The following SUPT6H variants were observed in gnomAD, a reference collection of about 807,000 sequenced individuals.
The protein encoded by SUPT6H is transcription elongation factor SPT6.
In SUPT6H, 11 loss-of-function variants were observed where a neutral mutation model predicts 222.3. The ratio of observed to expected loss-of-function variants is 0.05; its 90% CI spans 0.03 to 0.08. The LOEUF (loss-of-function observed/expected upper bound fraction) is 0.08. SUPT6H is among the 10% of genes least tolerant of loss of function. The pLI is 1.00. For synonymous variants in SUPT6H, 762 were observed against 801.2 expected, an observed-to-expected ratio of 0.95 and a Z score of 0.83; for missense variants, 1,422 against 2,216.0, an observed-to-expected ratio of 0.64 and a Z score of 7.19.
chr17:28,680,058 A>G (rs1043769683), intron 11 of SUPT6H, among the ~76,000 whole-genome samples: 3 of 149,574 alleles, frequency 2.0e-5, no homozygotes, highest in African/African-American at 7.4e-5. Context: ...TAATCCCAAC[A>G]CTTTGGAAGA....
intron 7 of SUPT6H, among the ~76,000 whole-genome samples, chr17:28,676,862 G>T (rs556166862): frequency 1.3e-5 from 2 of 152,068 alleles, no homozygotes; most frequent in African/African-American, 4.8e-5. Flanking sequence ...GGGAGGTCAC[G>T]GCTGCAGTGA....
Position 28,701,742 on chromosome 17 carries a change from C to A in SUPT6H, c.*117C>A. The A allele has an allele frequency of 8.8e-7, 1 of 1,138,436 alleles. No homozygotes were observed. Among genetic ancestry groups the A allele is most frequent in the Non-Finnish European group, 1.2e-6 (1 of 815,162 alleles). The allele number at this position is 1,138,436 out of a possible 1,614,324, so 70.5% of individuals were successfully genotyped here. On this transcript the variant is annotated 3_prime_UTR_variant, in exon 37 of 37. Coordinates refer to ENST00000314616, the MANE Select transcript of SUPT6H (RefSeq NM_003170.5). ...AAAGTGGCGTGAAGTGAGACGTTCTCTTTGGTGGTCAACCCGGATGGGTGA... is the reference window on the plus strand; with the variant it reads ...AAAGTGGCGTGAAGTGAGACGTTCTATTTGGTGGTCAACCCGGATGGGTGA...
In SUPT6H at chr17:28,686,690, T is replaced by C. The variant is rs773062580; in HGVS notation, c.2601T>C (p.Ile867=). Residue 867 remains isoleucine, a synonymous_variant, in exon 21 of 37, where the codon ATT becomes ATC. Coordinates refer to ENST00000314616, the MANE Select transcript of SUPT6H (RefSeq NM_003170.5). ...TGTTGATTGAAGATGTGAAGCGCAT[T>C]GTACATGAGCTGGACCAGGGCCAGC... The part of the protein sequence containing the change: ...AQMLIEDVKR[I]VHELDQGQQL... 2 of 1,607,154 alleles carry C rather than the reference T, an allele frequency of 1.2e-6. No homozygotes were observed. The highest frequency in any genetic ancestry group is 1.7e-4 in the Middle Eastern group (1 of 6,026).
intron 27 of SUPT6H, 184 bp downstream of exon 27, chr17:28,691,247 C>A: frequency 1.2e-6 from 1 of 809,784 alleles, no homozygotes; most frequent in Non-Finnish European, 1.9e-6. Context: ...GCTGACATAG[C>A]TGGGCACGGT....
Position 28,683,022 on chromosome 17 carries a change from G to T in SUPT6H, c.1808G>T (p.Arg603Leu), listed in dbSNP as rs138471256. 1.6e-4 allele frequency: 260 copies of T among 1,613,818 alleles called. 1 individual carries two copies. The highest frequency in any genetic ancestry group is 5.1e-6 in the Non-Finnish European group (6 of 1,179,966). The change falls in exon 15 of 37, where the codon CGG becomes CTG. Residue 603 changes from arginine (R) to leucine (L), a missense_variant. By Grantham distance (102) the Arg-to-Leu change is moderately radical (BLOSUM62 -2). Transcript: ENST00000314616. The stretch of plus-strand genomic sequence containing the variant: ...CAGATTGCCCGTGAGCCCCTTGTCC[G>T]GCAGGTGCTGAGGCAAACCTTCCAA... ...ALQIAREPLV[R>L]QVLRQTFQER...
At chr17:28,693,314 C>T (rs1041448587) in intron 27 of SUPT6H, among the ~76,000 whole-genome samples, 7 of 151,850 alleles carry the variant, frequency 4.6e-5, no homozygotes, top group East Asian at 1.9e-4. Context: ...TACAAAAATC[C>T]GCCCTGTGTG....
Position 28,684,931 on chromosome 17 carries a change from T to A in SUPT6H, c.2457T>A (p.Thr819=). ...TGCCCCATTTTACCAAACGGCGAAC[T>A]GCATGGAGAGAGGAAGAGCGGGAAA... ...LRLPHFTKRR[T]AWREEEREKK... The change falls in exon 19 of 37, where the codon ACT becomes ACA. Residue 819 remains threonine (T), a synonymous_variant. Transcript: ENST00000314616. 1 of 1,614,194 alleles carries A rather than the reference T, an allele frequency of 6.2e-7. No individual in the cohort carries two copies. Among genetic ancestry groups the A allele is most frequent in the East Asian group, 2.2e-5 (1 of 44,894 alleles).
At position 28,675,384 on chromosome 17, in the gene SUPT6H, A is replaced by T. The variant is rs9892089; in HGVS notation, c.539-17A>T. 11 of 1,613,672 alleles carry T rather than the reference A, an allele frequency of 6.8e-6. No individual in the cohort carries two copies. The highest frequency in any genetic ancestry group is 8.5e-6 in the Non-Finnish European group (10 of 1,179,836). On this transcript the variant is annotated splice_polypyrimidine_tract_variant and intron_variant, in intron 5 of 36. Coordinates refer to ENST00000314616, the MANE Select transcript of SUPT6H (RefSeq NM_003170.5). ...AGCCCCTGACTCTGAGCCCCAACCC[A>T]TCCTTTTCCTACCCAGATATTGACG...
chr17:28,681,218 G>T (rs2031084115), intron 11 of SUPT6H, 38 bp from the exon 12 acceptor site: 2 of 1,611,688 alleles, frequency 1.2e-6, no homozygotes, highest in East Asian at 4.5e-5. Context: ...TACCCTTTCT[G>T]CAGTGATGAC....
rs567205459 is a variant in SUPT6H, at chr17:28,664,300, G to A, written c.-32+1958G>A. Among the ~76,000 whole-genome samples the A allele has an allele frequency of 2.6e-5, 4 of 152,264 alleles. No homozygotes were observed. In the East Asian group the frequency reaches 7.7e-4, roughly 29 times the overall value. ...AGGTGGGCAGATCACTTGAGGTCAGGAGTTCACAACCAGCCTGGCCAGCAT... is the reference window on the plus strand; with the variant it reads ...AGGTGGGCAGATCACTTGAGGTCAGAAGTTCACAACCAGCCTGGCCAGCAT... On this transcript the variant is annotated intron_variant, in intron 1 of 36. Transcript: ENST00000314616.
chr17:28,694,459 A>C (rs574957669), intron 28 of SUPT6H, among the ~76,000 whole-genome samples: 2 of 152,354 alleles, frequency 1.3e-5, no homozygotes, highest in East Asian at 3.9e-4. Context: ...AACTTTTTTC[A>C]GAATCACCCA....
Position 28,701,823 on chromosome 17 carries a change from C to T in SUPT6H, c.*198C>T, listed in dbSNP as rs1597725496. Reference sequence around the variant, plus strand: ...AGTGTATGCTAGGCAACAATTCTCCCGCTCCAGACCCTCACCGACCACCTG... The same window carrying T: ...AGTGTATGCTAGGCAACAATTCTCCTGCTCCAGACCCTCACCGACCACCTG... On this transcript the variant is annotated 3_prime_UTR_variant, in exon 37 of 37. Transcript: ENST00000314616. 10 of 583,456 alleles carry T rather than the reference C, an allele frequency of 1.7e-5. No individual in the cohort carries two copies. Among genetic ancestry groups the T allele is most frequent in the Middle Eastern group, 9.3e-4 (2 of 2,160 alleles). The allele number at this position is 583,456 out of a possible 1,614,324, so 36.1% of individuals were successfully genotyped here.
At chr17:28,699,092 T>G (rs1014006496) in intron 32 of SUPT6H, among the ~76,000 whole-genome samples, 1 of 152,212 alleles carries the variant, frequency 6.6e-6, no homozygotes. Context: ...CTGTGTACTA[T>G]GTAGCATTAT....
intron 1 of SUPT6H, among the ~76,000 whole-genome samples, chr17:28,673,045 G>A (rs2030521481): frequency 6.6e-6 from 1 of 151,846 alleles, no homozygotes; most frequent in African/African-American, 2.4e-5. Context: ...CAGCTACTCG[G>A]GAGGCTAAGG....
Position 28,681,970 on chromosome 17 carries a change from T to C in SUPT6H, c.1587T>C (p.Ser529=). 1.2e-6 allele frequency: 2 copies of C among 1,603,818 alleles called. No homozygotes were observed. The highest frequency in any genetic ancestry group is 1.3e-5 in the African/African-American group (1 of 74,892). The change falls in exon 13 of 37, where the codon AGT becomes AGC. Residue 529 remains serine (S), a synonymous_variant. Transcript: ENST00000314616. The part of the protein sequence containing the change: ...SRRDMYTICQ[S]AGLDGLAKKF... Reference sequence around the variant, plus strand: ...GAGACATGTACACCATCTGCCAGAGTGCTGGGCTAGGTAAAAGCTAGCTGC... The same window carrying C: ...GAGACATGTACACCATCTGCCAGAGCGCTGGGCTAGGTAAAAGCTAGCTGC...
chr17:28,671,082 T>G (rs1315442744), intron 1 of SUPT6H: 2 of 152,140 alleles, frequency 1.3e-5, no homozygotes, highest in African/African-American at 4.8e-5. Flanking sequence ...AGTTCATTGG[T>G]TATAGTATTG....
intron 6 of SUPT6H, 28 bp from the exon 7 acceptor site, chr17:28,676,129 G>T: frequency 6.4e-7 from 1 of 1,552,104 alleles, no homozygotes. Flanking sequence ...CTGAACCTGA[G>T]CCACCTGCCT....
chr17:28,691,201 AAC>A (rs2151649388), intron 27 of SUPT6H, 138 bp downstream of exon 27: 4 of 1,193,826 alleles, frequency 3.4e-6, no homozygotes, highest in African/African-American at 3.0e-5. Context: ...ACGGACGGGA[AAC>A]ACACAGGTTT....
rs771168951 is a variant in SUPT6H, at chr17:28,681,387, A to G, written c.1481A>G (p.Glu494Gly). 3.7e-6 allele frequency: 6 copies of G among 1,604,606 alleles called. No individual in the cohort carries two copies. The highest frequency in any genetic ancestry group is 3.4e-6 in the Non-Finnish European group (4 of 1,176,336). The change falls in exon 12 of 37, where the codon GAA becomes GGA. Residue 494 changes from glutamate (E) to glycine (G), a missense_variant. Physicochemically the swap from Glu to Gly is moderately conservative, Grantham distance 98. Coordinates refer to ENST00000314616, the MANE Select transcript of SUPT6H (RefSeq NM_003170.5). ...ASRKKLKRVR[E>G]EGDEEGEGDE... is the part of the protein sequence containing the mutation. The stretch of plus-strand genomic sequence containing the variant: ...CGCAAGAAGCTGAAGCGTGTCAGGG[A>G]AGAGGGAGATGAAGAAGGTTAGTGC...
Sources: allele counts gnomAD v4.1 joint callset (sites outside exome capture counted in the v4.1 genomes callset), GRCh38; gene constraint gnomAD v4.1.1; transcripts MANE v1.5; gene names NCBI Gene and HGNC (gene_info 2026-07-23, HGNC 2026-07-21).